DYNC2I1: variants seen among roughly 807,000 people sequenced by gnomAD.
DYNC2I1 encodes the protein dynein 2 intermediate chain 1.
In DYNC2I1, 89 loss-of-function variants were observed where a neutral mutation model predicts 133.4. The observed-to-expected ratio is 0.67, with a 90% confidence interval of 0.56 to 0.80. DYNC2I1 has a LOEUF of 0.80. Ranked by LOEUF, DYNC2I1 falls within the 30% of genes least tolerant of loss-of-function variation. The pLI is 0.00. For synonymous variants in DYNC2I1, 504 were observed against 484.3 expected, an observed-to-expected ratio of 1.04 and a Z score of -0.54; for missense variants, 1,291 against 1,314.5, an observed-to-expected ratio of 0.98 and a Z score of 0.28.
At chr7:158,842,561 C>T in the DYNC2I1 span, among the ~76,000 whole-genome samples, 4 of 152,204 alleles carry the variant, frequency 2.6e-5, no homozygotes, top group African/African-American at 4.8e-5. Flanking sequence ...ACCAATGGCC[C>T]GCACTGAGTT....
intron 23 of DYNC2I1, among the ~76,000 whole-genome samples, chr7:158,938,121 G>A (rs368060512): frequency 5.7e-4 from 87 of 152,296 alleles, no homozygotes; most frequent in African/African-American, 2.0e-3. Flanking sequence ...AGGAAGGTCA[G>A]AGAACATCAA....
At chr7:158,887,803 A>G (rs1368523624) in intron 7 of DYNC2I1, among the ~76,000 whole-genome samples, 1 of 152,062 alleles carries the variant, frequency 6.6e-6, no homozygotes, top group African/African-American at 2.4e-5. Context: ...TCCTTGCATA[A>G]TTGTTTCCAT....
rs540425883 is a variant in DYNC2I1, at chr7:158,955,480, G to C, written c.*57-1103G>C. 2.6e-5 allele frequency among the ~76,000 whole-genome samples: 4 copies of C among 152,262 alleles called. No individual in the cohort carries two copies. The East Asian group carries it at 7.7e-4, about 29-fold the overall frequency. ...CATGTCTACTATTTCAGAGTCTTGG[G>C]GTAATAGCCTATAATTCACCTCTGT... On this transcript the variant is annotated intron_variant and NMD_transcript_variant, in intron 4 of 4. Coordinates refer to the DYNC2I1 transcript ENST00000454771.
At chr7:158,904,292 C>T (rs1334626882) in intron 10 of DYNC2I1, 2 of 152,302 alleles carry the variant, frequency 1.3e-5, no homozygotes, top group African/African-American at 4.8e-5. Flanking sequence ...CAGGCACGTT[C>T]TGAGTGCTAA....
intron 23 of DYNC2I1, among the ~76,000 whole-genome samples, chr7:158,938,495 C>G (rs555344037): frequency 6.6e-6 from 1 of 152,156 alleles, no homozygotes; most frequent in African/African-American, 2.4e-5. Flanking sequence ...TGGTGGCTCA[C>G]GCCTGTAATC....
chr7:158,872,512 G>A (rs1002562155), intron 3 of DYNC2I1, among the ~76,000 whole-genome samples: 1 of 151,912 alleles, frequency 6.6e-6, no homozygotes, highest in South Asian at 2.1e-4. Context: ...GCGTGTGCCT[G>A]TAATCCCAGC....
At chr7:158,933,385 G>T (rs189325178) in intron 21 of DYNC2I1, among the ~76,000 whole-genome samples, 1 of 152,220 alleles carries the variant, frequency 6.6e-6, no homozygotes, top group Non-Finnish European at 1.5e-5. Context: ...CAGACCTTCT[G>T]AGCTGTCTCT....
At chr7:158,934,330 A>G (rs1850534564) in intron 22 of DYNC2I1, 88 bp from the exon 23 acceptor site, 11 of 1,505,628 alleles carry the variant, frequency 7.3e-6, no homozygotes, top group South Asian at 1.3e-5. Context: ...TTTTCTTTAT[A>G]AAGTTTAAAT....
rs1585093806 is a variant in DYNC2I1, at chr7:158,902,718, A to G, written c.1357+123A>G. The G allele has an allele frequency of 4.7e-6, 4 of 857,750 alleles. No individual in the cohort carries two copies. In the East Asian group the frequency reaches 7.6e-5, roughly 16 times the overall value. 53.1% of individuals were successfully genotyped at this position (857,750 alleles called of 1,614,324 possible). A position where few individuals can be genotyped will look rare whatever the true frequency, so the allele number is the denominator to read the frequency against. ...TGGGTGGAGCAGTAACATCTTCCACATGCTGGTGGTGCCATGCCCTTGCAG... is the reference window on the plus strand; with the variant it reads ...TGGGTGGAGCAGTAACATCTTCCACGTGCTGGTGGTGCCATGCCCTTGCAG... On this transcript the variant is annotated intron_variant, in intron 10 of 24. Coordinates refer to ENST00000407559, the MANE Select transcript of DYNC2I1 (RefSeq NM_018051.5).
intron 10 of DYNC2I1, chr7:158,904,914 T>C (rs1846610293): frequency 3.5e-6 from 1 of 283,778 alleles, no homozygotes; most frequent in African/African-American, 2.3e-5. Context: ...GAAAGGGCTC[T>C]GAGTTTCATA....
Position 158,876,645 on chromosome 7 carries a change from C to G in DYNC2I1, c.527C>G (p.Ser176Cys). 1 of 1,580,216 alleles carries G rather than the reference C, an allele frequency of 6.3e-7. No individual in the cohort carries two copies. Among genetic ancestry groups the G allele is most frequent in the East Asian group, 2.3e-5 (1 of 43,998 alleles). The part of the protein sequence containing the change: ...KVRSEEKDED[S>C]ERGDEDRERR... ...AGAAGTGAAGAGAAAGATGAAGACT[C>G]TGAAAGAGGAGATGAAGATAGAGAA... The change falls in exon 4 of 25, where the codon TCT (serine) becomes TGT (cysteine). Residue 176 changes from serine (S) to cysteine (C), a missense_variant. Coordinates refer to ENST00000407559, the MANE Select transcript of DYNC2I1 (RefSeq NM_018051.5).
At chr7:158,855,320 C>T (rs1841160333), upstream of DYNC2I1, among the ~76,000 whole-genome samples, 1 of 151,988 alleles carries the variant, frequency 6.6e-6, no homozygotes, top group African/African-American at 2.4e-5. Context: ...TTATCAGTTC[C>T]TGGGTGAGGG....
Position 158,945,916 on chromosome 7 carries a change from A to G in DYNC2I1, c.*137A>G, listed in dbSNP as rs1213373057. On this transcript the variant is annotated 3_prime_UTR_variant, in exon 25 of 25. Coordinates refer to ENST00000407559, the MANE Select transcript of DYNC2I1 (RefSeq NM_018051.5). This position sits in a 1 kb window ranked among gnomAD's most constrained non-coding sequence, Gnocchi z 4.1. ...TCTGTATATAATTTATTTTACATGA[A>G]TATGTCTTTGGTATTCCCAGTAAAT... 2.3e-6 allele frequency: 2 copies of G among 882,092 alleles called. No individual in the cohort carries two copies. Among genetic ancestry groups the G allele is most frequent in the African/African-American group, 1.8e-5 (1 of 56,902 alleles). 54.6% of individuals were successfully genotyped at this position (882,092 alleles called of 1,614,324 possible).
At chr7:158,936,417 C>T (rs62476518) in intron 23 of DYNC2I1, among the ~76,000 whole-genome samples, 3,323 of 152,202 alleles carry the variant, frequency 0.022, 59 homozygotes, top group Admixed American at 0.052. Flanking sequence ...ACTGGGCTTC[C>T]ATATCCACAA....
chr7:158,945,833 A>G lies in DYNC2I1; in HGVS notation c.*54A>G. 7.0e-7 allele frequency: 1 copy of G among 1,437,662 alleles called. No homozygotes were observed. Among genetic ancestry groups the G allele is most frequent in the East Asian group, 2.5e-5 (1 of 40,152 alleles). 89.1% of individuals were successfully genotyped at this position (1,437,662 alleles called of 1,614,324 possible). A position where few individuals can be genotyped will look rare whatever the true frequency, so the allele number is the denominator to read the frequency against. On this transcript the variant is annotated 3_prime_UTR_variant, in exon 25 of 25. Transcript: ENST00000407559. The surrounding 1 kb of genome is among the most constrained non-coding windows in gnomAD (Gnocchi z 4.1). ...GTAATGACCCAGATTTAAAAGACATAAGGTGGATAATTCTACATTTGTGTG... is the reference window on the plus strand; with the variant it reads ...GTAATGACCCAGATTTAAAAGACATGAGGTGGATAATTCTACATTTGTGTG...
At position 158,925,742 on chromosome 7, in the gene DYNC2I1, G is replaced by A. The variant is rs59703711; in HGVS notation, c.2258-445G>A. On this transcript the variant is annotated intron_variant, in intron 17 of 24. Transcript: ENST00000407559. ...TTGCTGGCAGTTGTGAGGTGTGTGC[G>A]GAGGTCTCCCCCATTTCCTGTTCAC... is the stretch of plus-strand genomic sequence containing the variant. Among the ~76,000 whole-genome samples, 7 of 152,216 alleles carry A rather than the reference G, an allele frequency of 4.6e-5. No individual in the cohort carries two copies. The East Asian group carries it at 5.8e-4, about 13-fold the overall frequency.
At chr7:158,906,941 G>A (rs181458533) in intron 11 of DYNC2I1, among the ~76,000 whole-genome samples, 1 of 152,284 alleles carries the variant, frequency 6.6e-6, no homozygotes, top group East Asian at 1.9e-4. Context: ...GAGTTCAAGA[G>A]CCTGAGCAAG....
chr7:158,889,371 C>T lies in DYNC2I1; in HGVS notation c.991-1894C>T, dbSNP rs1173752157. ...CTGGGATTACAGGTGTGAGCCACCA[C>T]GTCTGGCCACCCCTCCTGTTTTTCC... On this transcript the variant is annotated intron_variant, in intron 7 of 24. Coordinates refer to ENST00000407559, the MANE Select transcript of DYNC2I1 (RefSeq NM_018051.5). 1.1e-4 allele frequency among the ~76,000 whole-genome samples: 17 copies of T among 152,098 alleles called. No individual in the cohort carries two copies. In the South Asian group the frequency reaches 1.5e-3, roughly 13 times the overall value.
At chr7:158,896,816 A>G (rs937984619) in intron 8 of DYNC2I1, among the ~76,000 whole-genome samples, 4 of 148,640 alleles carry the variant, frequency 2.7e-5, no homozygotes, top group South Asian at 2.1e-4. Flanking sequence ...ATTTGGTACA[A>G]TTGTGTTGCA....
Sources: gnomAD v4.1 joint callset for allele counts (sites outside exome capture counted in the v4.1 genomes callset) on GRCh38, gnomAD v4.1.1 for gene constraint, Gnocchi (gnomAD v3.1) non-coding constraint, MANE v1.5 for transcripts, NCBI Gene and HGNC (gene_info 2026-07-23, HGNC 2026-07-21) for gene names.